The following CYP2E1 variants were observed in gnomAD, a reference collection of about 807,000 sequenced individuals.
CYP2E1 encodes the protein cytochrome P450 family 2 subfamily E member 1, also known as cytochrome P450 2E1.
In CYP2E1, 31 loss-of-function variants were observed where a neutral mutation model predicts 42.9. The ratio of observed to expected loss-of-function variants is 0.72; its 90% confidence interval spans 0.54 to 0.98. The LOEUF (loss-of-function observed/expected upper bound fraction) is 0.98. Ranked by LOEUF, CYP2E1 falls within the 50% of genes least tolerant of loss-of-function variation. The pLI is 0.00. For synonymous variants in CYP2E1, 244 were observed against 248.9 expected, an observed-to-expected ratio of 0.98 and a Z score of 0.19; for missense variants, 565 against 633.2, an observed-to-expected ratio of 0.89 and a Z score of 1.16.
rs28371741 is a variant in CYP2E1, at chr10:133,528,714, C to T, written c.337+74C>T. 4,442 of 1,539,398 alleles carry T rather than the reference C, an allele frequency of 2.9e-3. 14 individuals carry two copies. The highest frequency in any genetic ancestry group is 8.4e-3 in the Middle Eastern group (42 of 5,026). On this transcript the variant is annotated intron_variant, in intron 2 of 8. Transcript: ENST00000252945. ...GGACAGTTACGGGCGCTAGCCACGT[C>T]GGCGATGGCCAAATAATAAACTAAC... is the stretch of plus-strand genomic sequence containing the variant.
chr10:133,532,854 G>A lies in CYP2E1; in HGVS notation c.811G>A (p.Val271Met), dbSNP rs912558367. Residue 271 changes from valine to methionine, a missense_variant, in exon 5 of 9, where the codon GTG becomes ATG. Physicochemically the swap from Val to Met is conservative, Grantham distance 21. Coordinates refer to ENST00000252945, the MANE Select transcript of CYP2E1 (RefSeq NM_000773.4). ...CPRDLTDCLL[V>M]EMEKEKHSAE... Reference sequence around the variant, plus strand: ...CCGGGACCTCACCGACTGCCTGCTCGTGGAAATGGAGAAGGTAGGCTCGGC... The same window carrying A: ...CCGGGACCTCACCGACTGCCTGCTCATGGAAATGGAGAAGGTAGGCTCGGC... 4.4e-6 allele frequency: 7 copies of A among 1,604,496 alleles called. No individual in the cohort carries two copies. The highest frequency in any genetic ancestry group is 1.1e-5 in the South Asian group (1 of 88,748).
At chr10:133,530,990 A>T (rs1379935130) in intron 2 of CYP2E1, among the ~76,000 whole-genome samples, 6 of 152,240 alleles carry the variant, frequency 3.9e-5, no homozygotes. Context: ...GGGAGGAGAG[A>T]CAGGGCAGGG....
Position 133,527,466 on chromosome 10 carries a change from G to T in CYP2E1, c.71G>T (p.Arg24Met). ...TTCCTCCTGCTGGTGTCCATGTGGA[G>T]GCAGGTGCACAGCAGCTGGAATCTG... Reference protein sequence around the residue: ...AAFLLLVSMWRQVHSSWNLPP... With the variant: ...AAFLLLVSMWMQVHSSWNLPP... Residue 24 changes from arginine (R) to methionine (M), a missense_variant, in exon 1 of 9, where the codon AGG becomes ATG. Physicochemically the swap from Arg to Met is moderately conservative, Grantham distance 91. Coordinates refer to ENST00000252945, the MANE Select transcript of CYP2E1 (RefSeq NM_000773.4). 1 of 1,613,738 alleles carries T rather than the reference G, an allele frequency of 6.2e-7. No homozygotes were observed. The highest frequency in any genetic ancestry group is 8.5e-7 in the Non-Finnish European group (1 of 1,179,990).
Position 133,532,763 on chromosome 10 carries a change from T to G in CYP2E1, c.720T>G (p.Ala240=), listed in dbSNP as rs1402456862. Residue 240 remains alanine, a synonymous_variant, in exon 5 of 9, where the codon GCT becomes GCG. Coordinates refer to ENST00000252945, the MANE Select transcript of CYP2E1 (RefSeq NM_000773.4). ...GSHRKVIKNV[A]EVKEYVSERV... ...ACAGAAAAGTCATAAAAAATGTGGC[T>G]GAAGTAAAAGAGTATGTGTCTGAAA... is the stretch of plus-strand genomic sequence containing the variant. The G allele has an allele frequency of 6.2e-7, 1 of 1,613,556 alleles. No individual in the cohort carries two copies. Among genetic ancestry groups the G allele is most frequent in the Admixed American group, 1.7e-5 (1 of 59,972 alleles).
rs1851294928 is a variant in CYP2E1, at chr10:133,528,287, C to T, written c.178-194C>T. 18 of 614,576 alleles carry T rather than the reference C, an allele frequency of 2.9e-5. No individual in the cohort carries two copies. The South Asian group carries it at 3.6e-4, about 12-fold the overall frequency. The allele number at this position is 614,576 out of a possible 1,614,324, so 38.1% of individuals were successfully genotyped here. A position where few individuals can be genotyped will look rare whatever the true frequency, so the allele number is the denominator to read the frequency against. ...GGGGAGCAGAGCAGCTGGAACCCCC[C>T]GAGCGCCCTGCAGACGCAGCAGCCT... On this transcript the variant is annotated intron_variant, in intron 1 of 8. Transcript: ENST00000252945.
chr10:133,537,072 A>G lies in CYP2E1; in HGVS notation c.977A>G (p.His326Arg). The change falls in exon 7 of 9, where the codon CAT becomes CGT. Residue 326 changes from histidine to arginine, a missense_variant. By Grantham distance (29) the His-to-Arg change is conservative. Coordinates refer to ENST00000252945, the MANE Select transcript of CYP2E1 (RefSeq NM_000773.4). ...ATTCATATCTTGGCAGAGAAGCTCCATGAAGAAATTGACAGGGTGATTGGG... is the reference window on the plus strand; with the variant it reads ...ATTCATATCTTGGCAGAGAAGCTCCGTGAAGAAATTGACAGGGTGATTGGG... ...MKYPEIEEKL[H>R]EEIDRVIGPS... 2 of 1,613,480 alleles carry G rather than the reference A, an allele frequency of 1.2e-6. No homozygotes were observed. Among genetic ancestry groups the G allele is most frequent in the Non-Finnish European group, 8.5e-7 (1 of 1,179,662 alleles).
At chr10:133,528,230 GCCGCGGAGTTGT>G (rs980403184) in intron 1 of CYP2E1, 19 of 414,844 alleles carry the variant, frequency 4.6e-5, no homozygotes, top group African/African-American at 2.0e-4. Context: ...CCGCGGAGTT[GCCGCGGAGTTGT>G]CCGCGGAGTC....
At position 133,532,104 on chromosome 10, in the gene CYP2E1, CCTGA is replaced by C; in HGVS notation, c.488-16_488-13del. The C allele has an allele frequency of 6.2e-7, 1 of 1,608,306 alleles. No homozygotes were observed. The highest frequency in any genetic ancestry group is 8.5e-7 in the Non-Finnish European group (1 of 1,175,922). On this transcript the variant is annotated splice_polypyrimidine_tract_variant and intron_variant, in intron 3 of 8. Coordinates refer to ENST00000252945, the MANE Select transcript of CYP2E1 (RefSeq NM_000773.4). The stretch of plus-strand genomic sequence containing the variant: ...CTCCTCACCCCCATCTTCTGGTTGC[CCTGA>C]CTGCCTGTTTTGTAGGCCAGCCTTT...
In CYP2E1 at chr10:133,528,682, C is replaced by T. The variant is rs566158239; in HGVS notation, c.337+42C>T. On this transcript the variant is annotated intron_variant, in intron 2 of 8. Transcript: ENST00000252945. ...GGCACGGAGCGGGGGGTGCATAACA[C>T]GCCCCGGGACAGTTACGGGCGCTAG... The T allele has an allele frequency of 1.7e-5, 28 of 1,606,188 alleles. No individual in the cohort carries two copies. The East Asian group carries it at 3.6e-4, about 21-fold the overall frequency.
chr10:133,528,252 C>G, intron 1 of CYP2E1: 1 of 512,072 alleles, frequency 2.0e-6, no homozygotes, highest in Non-Finnish European at 3.5e-6. Flanking sequence ...TCCGCGGAGT[C>G]CAGGCGGGTG....
intron 4 of CYP2E1, among the ~76,000 whole-genome samples, 200 bp from the exon 5 acceptor site, chr10:133,532,492 G>A (rs1008314928): frequency 2.6e-5 from 4 of 152,048 alleles, no homozygotes; most frequent in South Asian, 2.1e-4. Flanking sequence ...GATGTGTATC[G>A]ACCTGTGTGT....
chr10:133,537,502 TAATGCCAGGAACA>T, intron 7 of CYP2E1: 1 of 597,256 alleles, frequency 1.7e-6, no homozygotes, highest in East Asian at 2.8e-5. Flanking sequence ...TAGTGAATTC[TAATGCCAGGAACA>T]AACTATCACA....
At chr10:133,538,759 C>T in intron 8 of CYP2E1, 21 bp from the exon 9 acceptor site, 1 of 1,608,760 alleles carries the variant, frequency 6.2e-7, no homozygotes, top group Non-Finnish European at 8.5e-7. Flanking sequence ...AGTGTCTCAT[C>T]AATACCATTG....
chr10:133,527,419 G>A lies in CYP2E1; in HGVS notation c.24G>A (p.Val8=), dbSNP rs764387026. 1 of 1,612,194 alleles carries A rather than the reference G, an allele frequency of 6.2e-7. No individual in the cohort carries two copies. Among genetic ancestry groups the A allele is most frequent in the South Asian group, 1.1e-5 (1 of 90,984 alleles). ...CCATGTCTGCCCTCGGAGTCACCGT[G>A]GCCCTGCTGGTGTGGGCGGCCTTCC... MSALGVT[V]ALLVWAAFLL... is the part of the protein sequence containing the mutation. Residue 8 remains valine, a synonymous_variant, in exon 1 of 9, where the codon GTG becomes GTA. Coordinates refer to ENST00000252945, the MANE Select transcript of CYP2E1 (RefSeq NM_000773.4).
At chr10:133,535,959 C>T (rs1448805792) in intron 6 of CYP2E1, among the ~76,000 whole-genome samples, 1 of 152,144 alleles carries the variant, frequency 6.6e-6, no homozygotes. Context: ...TGATGATGTT[C>T]CATGGGAACT....
chr10:133,537,332 C>T (rs1269818457), intron 7 of CYP2E1, 82 bp downstream of exon 7: 9 of 1,420,432 alleles, frequency 6.3e-6, no homozygotes, highest in African/African-American at 4.2e-5. Flanking sequence ...AGGATGGGGG[C>T]CCCAAGACCC....
chr10:133,528,347 C>T (rs964304171), intron 1 of CYP2E1, 134 bp from the exon 2 acceptor site: 1 of 1,089,506 alleles, frequency 9.2e-7, no homozygotes, highest in Non-Finnish European at 1.3e-6. Context: ...TCGGGCTGGA[C>T]AAAGACAGCT....
At chr10:133,528,390 A>G in intron 1 of CYP2E1, 91 bp from the exon 2 acceptor site, 1 of 1,482,660 alleles carries the variant, frequency 6.7e-7, no homozygotes, top group Non-Finnish European at 9.2e-7. Flanking sequence ...CTCTAGAGCA[A>G]CAGCAATACC....
chr10:133,533,204 G>T (rs1851358959), intron 5 of CYP2E1, among the ~76,000 whole-genome samples: 1 of 152,180 alleles, frequency 6.6e-6, no homozygotes, highest in South Asian at 2.1e-4. Context: ...CTCCCCAACT[G>T]TGCGCAGCTG....
Sources: allele counts gnomAD v4.1 joint callset (sites outside exome capture counted in the v4.1 genomes callset), GRCh38; gene constraint gnomAD v4.1.1; transcripts MANE v1.5; gene names NCBI Gene and HGNC (gene_info 2026-07-23, HGNC 2026-07-21).